Variants in SYNDIG1 observed in about 807,000 individuals in gnomAD.
SYNDIG1 encodes synapse differentiation inducing 1.
Under a neutral mutation model 19.4 loss-of-function variants are expected in SYNDIG1, and 9 were observed. That is an observed-to-expected ratio of 0.46 (90% CI 0.28 to 0.81). The LOEUF (loss-of-function observed/expected upper bound fraction) is 0.81. SYNDIG1 is among the 30% of genes least tolerant of loss of function. The pLI, the probability that SYNDIG1 is intolerant of heterozygous loss-of-function variation, is 0.12. For synonymous variants in SYNDIG1, 141 were observed against 145.9 expected (o/e 0.97, Z 0.24); for missense variants, 311 against 343.3 (o/e 0.91, Z 0.74).
intron 2 of SYNDIG1, among the ~76,000 whole-genome samples, chr20:24,561,710 G>C (rs1001355026): frequency 2.0e-5 from 3 of 152,174 alleles, no homozygotes; most frequent in African/African-American, 7.2e-5. Context: ...TCCTGGGCAT[G>C]AGATCGGCCT....
Position 24,477,148 on chromosome 20 carries a change from C to T in SYNDIG1, c.-79+7395C>T, listed in dbSNP as rs969644346. Among the ~76,000 whole-genome samples, 6 of 152,160 alleles carry T rather than the reference C, an allele frequency of 3.9e-5. No homozygotes were observed. In the East Asian group the frequency reaches 9.6e-4, roughly 24 times the overall value. ...CACATACCTTTCCAGGAAAAACATG[C>T]GTCACACTCTTGGGACACAAAAATG... On this transcript the variant is annotated intron_variant, in intron 1 of 3. Transcript: ENST00000376862.
intron 1 of SYNDIG1, among the ~76,000 whole-genome samples, chr20:24,517,353 C>T (rs1424179489): frequency 5.3e-5 from 8 of 150,228 alleles, no homozygotes; most frequent in South Asian, 2.1e-4. Flanking sequence ...TGGTGGCTCA[C>T]GCCTGTAATC....
chr20:24,558,436 A>C (rs1568640465), intron 2 of SYNDIG1, among the ~76,000 whole-genome samples: 3 of 152,198 alleles, frequency 2.0e-5, no homozygotes, highest in Admixed American at 2.0e-4. Context: ...GATTTTTGTA[A>C]ATAGAAGGGA....
chr20:24,661,215 G>T (rs2059582135), intron 3 of SYNDIG1, among the ~76,000 whole-genome samples: 3 of 152,032 alleles, frequency 2.0e-5, no homozygotes, highest in Admixed American at 2.0e-4. Flanking sequence ...CACCATCCTA[G>T]GGTGTGTCTC....
At chr20:24,517,659 T>C (rs1329664452) in intron 1 of SYNDIG1, among the ~76,000 whole-genome samples, 21 of 145,046 alleles carry the variant, frequency 1.4e-4, no homozygotes, top group Non-Finnish European at 2.4e-4. Flanking sequence ...CATATATATA[T>C]ACACACATAT....
chr20:24,569,819 A>G (rs2058111713), intron 2 of SYNDIG1, among the ~76,000 whole-genome samples: 1 of 152,210 alleles, frequency 6.6e-6, no homozygotes, highest in Non-Finnish European at 1.5e-5. Context: ...CGATGGGTGG[A>G]TAAGAGGATG....
At chr20:24,509,745 G>C (rs761200179) in intron 1 of SYNDIG1, among the ~76,000 whole-genome samples, 1 of 152,202 alleles carries the variant, frequency 6.6e-6, no homozygotes, top group Admixed American at 6.5e-5. Flanking sequence ...AGGATAAAAT[G>C]TTCTCTCTCA....
At chr20:24,584,700 G>A (rs1024334849) in intron 2 of SYNDIG1, among the ~76,000 whole-genome samples, 156 bp from the exon 3 acceptor site, 1 of 152,176 alleles carries the variant, frequency 6.6e-6, no homozygotes, top group African/African-American at 2.4e-5. Flanking sequence ...CTGTGTACTT[G>A]CAGCAATAAC....
intron 1 of SYNDIG1, among the ~76,000 whole-genome samples, chr20:24,509,654 C>CTGT (rs1386508127): frequency 6.6e-6 from 1 of 152,056 alleles, no homozygotes; most frequent in East Asian, 1.9e-4. Context: ...TAATGAATGG[C>CTGT]TGTTAGTGGT....
At chr20:24,638,445 C>G (rs2059337490) in intron 3 of SYNDIG1, among the ~76,000 whole-genome samples, 1 of 152,184 alleles carries the variant, frequency 6.6e-6, no homozygotes, top group Non-Finnish European at 1.5e-5. Flanking sequence ...TCCTCCACCT[C>G]CTGAGCTCAA....
At chr20:24,483,359 T>G (rs1007161728) in intron 1 of SYNDIG1, among the ~76,000 whole-genome samples, 1 of 152,256 alleles carries the variant, frequency 6.6e-6, no homozygotes, top group Admixed American at 6.5e-5. Flanking sequence ...CTTTTCTGAT[T>G]TTCAACTTGA....
chr20:24,490,755 G>A (rs2056123929), intron 1 of SYNDIG1, among the ~76,000 whole-genome samples: 1 of 152,152 alleles, frequency 6.6e-6, no homozygotes, highest in Non-Finnish European at 1.5e-5. Context: ...TGGGCTGATC[G>A]GGGCCCTTCA....
chr20:24,611,235 G>C (rs1276841602), intron 3 of SYNDIG1, among the ~76,000 whole-genome samples: 1 of 152,042 alleles, frequency 6.6e-6, no homozygotes, highest in Non-Finnish European at 1.5e-5. Flanking sequence ...CCTCTTTGCT[G>C]TCCCTTTGCT....
intron 1 of SYNDIG1, among the ~76,000 whole-genome samples, chr20:24,512,482 A>G (rs962384288): frequency 7.9e-5 from 12 of 152,136 alleles, no homozygotes; most frequent in South Asian, 2.1e-4. Flanking sequence ...ACGGCACACC[A>G]AGAGATTATA....
chr20:24,591,675 C>T (rs1004895487), intron 3 of SYNDIG1, among the ~76,000 whole-genome samples: 1 of 152,018 alleles, frequency 6.6e-6, no homozygotes, highest in African/African-American at 2.4e-5. Context: ...ATAAAAAGCC[C>T]CCAAGCACCT....
At chr20:24,577,650 G>A (rs781565474) in intron 2 of SYNDIG1, among the ~76,000 whole-genome samples, 13 of 152,252 alleles carry the variant, frequency 8.5e-5, no homozygotes, top group Non-Finnish European at 1.6e-4. Flanking sequence ...TCCCGTAGAT[G>A]CAGAGGGGCT....
Position 24,512,919 on chromosome 20 carries a change from G to C in SYNDIG1, c.-78-30101G>C, listed in dbSNP as rs569407134. On this transcript the variant is annotated intron_variant, in intron 1 of 3. Transcript: ENST00000376862. Reference sequence around the variant, plus strand: ...AACTCACATGGCCGGGTACCCCTCTGAGATGAAGCTTCCAGAGGAACAATC... The same window carrying C: ...AACTCACATGGCCGGGTACCCCTCTCAGATGAAGCTTCCAGAGGAACAATC... Among the ~76,000 whole-genome samples, 7 of 152,318 alleles carry C rather than the reference G, an allele frequency of 4.6e-5. No individual in the cohort carries two copies. The East Asian group carries it at 9.7e-4, about 21-fold the overall frequency.
chr20:24,552,522 T>G (rs1039896413), intron 2 of SYNDIG1, among the ~76,000 whole-genome samples: 1 of 151,720 alleles, frequency 6.6e-6, no homozygotes, highest in East Asian at 1.9e-4. Context: ...GTGTTCTCAT[T>G]GTTCAATTCC....
At chr20:24,486,546 C>T (rs1329853309) in intron 1 of SYNDIG1, among the ~76,000 whole-genome samples, 1 of 152,210 alleles carries the variant, frequency 6.6e-6, no homozygotes, top group Non-Finnish European at 1.5e-5. Context: ...CTAATGCACT[C>T]ACATAACACC....
Sources: allele counts gnomAD v4.1 joint callset (sites outside exome capture counted in the v4.1 genomes callset), GRCh38; gene constraint gnomAD v4.1.1; transcripts MANE v1.5; gene names NCBI Gene and HGNC (gene_info 2026-07-23, HGNC 2026-07-21).